The following CFP variants were observed in gnomAD, a reference collection of about 807,000 sequenced individuals.
CFP encodes properdin.
CFP carries 14 observed loss-of-function variants against 42.1 expected under a neutral mutation model. That is an observed-to-expected ratio of 0.33 (90% confidence interval 0.22 to 0.52). The LOEUF is 0.52. Among genes scored for constraint, CFP ranks in the 20% least tolerant of loss-of-function variants. The probability of loss-of-function intolerance (pLI) is 0.96; values close to 1 mark genes in which losing one functional copy is unlikely to be tolerated. For synonymous variants in CFP, 149 were observed against 160.6 expected, an observed-to-expected ratio of 0.93 and a Z score of 0.54; for missense variants, 318 against 400.4, an observed-to-expected ratio of 0.79 and a Z score of 1.76.
At chrX:47,628,697 A>C in intron 2 of CFP, 1 of 285,399 alleles carries the variant, frequency 3.5e-6, no homozygotes, top group Non-Finnish European at 6.7e-6. Context: ...TCTATCCCCA[A>C]CCCACTGCAT....
chrX:47,627,222 G>T lies in CFP; in HGVS notation c.685C>A (p.Pro229Thr). The change falls in exon 5 of 9, where the codon CCC becomes ACC. Residue 229 changes from proline to threonine, a missense_variant. Physicochemically the swap from Pro to Thr is conservative, Grantham distance 38. Coordinates refer to ENST00000396992, the MANE Select transcript of CFP (RefSeq NM_001145252.3). ...TRSRKCSAPE[P>T]SQKPPGKPCP... Reference sequence around the variant, plus strand: ...GGCTTCCCAGGAGGTTTCTGGGAGGGCTCAGGTGCAGAACACTTGCGGCTT... The same window carrying T: ...GGCTTCCCAGGAGGTTTCTGGGAGGTCTCAGGTGCAGAACACTTGCGGCTT... 1 of 1,211,762 alleles carries T rather than the reference G, an allele frequency of 8.3e-7. No individual in the cohort carries two copies. Among genetic ancestry groups the T allele is most frequent in the Non-Finnish European group, 1.1e-6 (1 of 895,299 alleles).
In CFP at chrX:47,629,587, T is replaced by A; in HGVS notation, c.164A>T (p.Asp55Val). The change falls in exon 2 of 9, where the codon GAC becomes GTC. Residue 55 changes from aspartate (D) to valine (V), a missense_variant. Coordinates refer to ENST00000396992, the MANE Select transcript of CFP (RefSeq NM_001145252.3). ...GLLGGGVSVE[D>V]CCLNTAFAYQ... ...GGCAAAGGCAGTGTTGAGACAGCAG[T>A]CTTCCACGCTGACACCACCCCCCAG... The A allele has an allele frequency of 8.6e-7, 1 of 1,168,625 alleles. No individual in the cohort carries two copies. The highest frequency in any genetic ancestry group is 1.9e-5 in the South Asian group (1 of 52,894).
upstream of CFP, chrX:47,630,152 C>T (rs1210030077): frequency 1.2e-5 from 4 of 339,589 alleles, no homozygotes; most frequent in East Asian, 5.4e-5. Flanking sequence ...AGCATAGGAG[C>T]GTGCAGCAAC....
In CFP at chrX:47,624,400, C is replaced by T; in HGVS notation, c.1285G>A (p.Val429Met). 1.7e-6 allele frequency: 2 copies of T among 1,210,851 alleles called. No individual in the cohort carries two copies. The highest frequency in any genetic ancestry group is 1.8e-5 in the South Asian group (1 of 56,916). ...GGCAGCGGTCTCCCCCAGAAGGTCACGTTCTTCTCGCCCTGACCTTCGACC... is the reference window on the plus strand; with the variant it reads ...GGCAGCGGTCTCCCCCAGAAGGTCATGTTCTTCTCGCCCTGACCTTCGACC... ...SMVEGQGEKN[V>M]TFWGRPLPRC... The change falls in exon 9 of 9, where the codon GTG (valine) becomes ATG (methionine). Residue 429 changes from valine to methionine, a missense_variant. Physicochemically the swap from Val to Met is conservative, Grantham distance 21. Coordinates refer to ENST00000396992, the MANE Select transcript of CFP (RefSeq NM_001145252.3).
chrX:47,628,206 C>T lies in CFP; in HGVS notation c.299G>A (p.Arg100Gln), dbSNP rs1011424227. The T allele has an allele frequency of 2.5e-6, 3 of 1,209,480 alleles. No individual in the cohort carries two copies. The highest frequency in any genetic ancestry group is 3.0e-5 in the East Asian group (1 of 33,749). Residue 100 changes from arginine to glutamine, a missense_variant, in exon 3 of 9, where the codon CGG becomes CAG. Coordinates refer to ENST00000396992, the MANE Select transcript of CFP (RefSeq NM_001145252.3). ...ATTCCAGCCCACACAGCGCCGGTACCGCAGCTGGGAGCCCTCAGAGCACGT... is the reference window on the plus strand; with the variant it reads ...ATTCCAGCCCACACAGCGCCGGTACTGCAGCTGGGAGCCCTCAGAGCACGT... ...SVTCSEGSQL[R>Q]YRRCVGWNGQ...
rs754182635 is a variant in CFP at position 47,627,145 on chromosome X, G to A, written c.762C>T (p.Cys254=). The part of the protein sequence containing the change: ...EQRRCTGLPP[C]PVAGGWGPWG... ...AGCAGCCTCATCCTGGTGTACCTGG[G>A]CAGGGTGGCAGGCCGGTGCACCTCC... is the stretch of plus-strand genomic sequence containing the variant. Residue 254 remains cysteine (C), a synonymous_variant, in exon 5 of 9, where the codon TGC becomes TGT. Transcript: ENST00000396992. 1 of 1,211,469 alleles carries A rather than the reference G, an allele frequency of 8.3e-7. No individual in the cohort carries two copies. The highest frequency in any genetic ancestry group is 1.8e-5 in the South Asian group (1 of 56,862).
At chrX:47,624,526 A>G (rs2235182) in intron 8 of CFP, 86 bp from the exon 9 acceptor site, 169,413 of 617,863 alleles carry the variant, frequency 0.27, 16,475 homozygotes, top group African/African-American at 0.33. Context: ...TGCCTGCTAT[A>G]TGCCGAGGGC....
upstream of CFP, chrX:47,629,961 A>C: frequency 1.3e-6 from 1 of 787,199 alleles, no homozygotes; most frequent in Non-Finnish European, 1.9e-6. Context: ...CTGGGAGGGC[A>C]TCCTGCTTTG....
At position 47,627,090 on chromosome X, in the gene CFP, C is replaced by T. The variant is rs1273031584; in HGVS notation, c.766+51G>A. ...CTCTAGAAATGGCAGAGCATCTCTG[C>T]CCTCAATCAAGAGCCCCACCAGCAA... On this transcript the variant is annotated intron_variant, in intron 5 of 8. Transcript: ENST00000396992. The T allele has an allele frequency of 6.7e-6, 8 of 1,191,223 alleles. No homozygotes were observed. In the South Asian group the frequency reaches 1.4e-4, roughly 22 times the overall value.
chrX:47,629,624 A>G lies in CFP; in HGVS notation c.127T>C (p.Cys43Arg), dbSNP rs1268984053. Reference sequence around the variant, plus strand: ...ACACCACCCCCCAGGAGGCCCTTGCACTTGCCGGAGGATTCTTCATACTGG... The same window carrying G: ...ACACCACCCCCCAGGAGGCCCTTGCGCTTGCCGGAGGATTCTTCATACTGG... ...FTQYEESSGK[C>R]KGLLGGGVSV... The change falls in exon 2 of 9, where the codon TGC becomes CGC. Residue 43 changes from cysteine (C) to arginine (R), a missense_variant. Physicochemically the swap from Cys to Arg is radical, Grantham distance 180. Coordinates refer to ENST00000396992, the MANE Select transcript of CFP (RefSeq NM_001145252.3). 8.5e-7 allele frequency: 1 copy of G among 1,169,610 alleles called. No homozygotes were observed.
chrX:47,628,844 C>T (rs1033657008), intron 2 of CFP: 4 of 196,806 alleles, frequency 2.0e-5, no homozygotes, highest in Non-Finnish European at 3.8e-5. Flanking sequence ...AAGTAGAAAA[C>T]AGGTCTGGCA....
At position 47,623,803 on chromosome X, in the gene CFP, C is replaced by G. The variant is rs999347864; in HGVS notation, c.*472G>C. The G allele has an allele frequency of 2.3e-5, 3 of 128,624 alleles. No individual in the cohort carries two copies. The highest frequency in any genetic ancestry group is 6.4e-5 in the African/African-American group (2 of 31,392). 10.6% of individuals were successfully genotyped at this position (128,624 alleles called of 1,213,427 possible). A position where few individuals can be genotyped will look rare whatever the true frequency, so the allele number is the denominator to read the frequency against. ...CGACTGACGCGGAGTCGGAGTCGGCCGGCAGAGGCTCCTCCAGGGTTCCGG... is the reference window on the plus strand; with the variant it reads ...CGACTGACGCGGAGTCGGAGTCGGCGGGCAGAGGCTCCTCCAGGGTTCCGG... On this transcript the variant is annotated 3_prime_UTR_variant, in exon 9 of 9. Transcript: ENST00000396992.
rs936492715 is a variant in CFP, at chrX:47,624,018, G to A, written c.*257C>T. On this transcript the variant is annotated 3_prime_UTR_variant, in exon 9 of 9. Transcript: ENST00000396992. Reference sequence around the variant, plus strand: ...GGGCCCAGACATTGGGGTTATGGCAGCGGCGGGGAGAGGCTGGGACTGCAC... The same window carrying A: ...GGGCCCAGACATTGGGGTTATGGCAACGGCGGGGAGAGGCTGGGACTGCAC... 3 of 387,636 alleles carry A rather than the reference G, an allele frequency of 7.7e-6. No homozygotes were observed. Among genetic ancestry groups the A allele is most frequent in the Non-Finnish European group, 1.4e-5 (3 of 219,927 alleles). The allele number at this position is 387,636 out of a possible 1,213,427, so 31.9% of individuals were successfully genotyped here.
intron 7 of CFP, 23 bp downstream of exon 7, chrX:47,626,282 TGCATGGGCCACCCCACCCTCAGA>T: frequency 8.4e-7 from 1 of 1,190,950 alleles, no homozygotes; most frequent in Non-Finnish European, 1.1e-6. Flanking sequence ...CCCCTTATCC[TGCATGGGCCACCCCACCCTCAGA>T]GCACAGTCTG....
Position 47,627,252 on chromosome X carries a change from T to C in CFP, c.655A>G (p.Thr219Ala). 2 of 1,210,375 alleles carry C rather than the reference T, an allele frequency of 1.7e-6. No individual in the cohort carries two copies. Among genetic ancestry groups the C allele is most frequent in the African/African-American group, 3.5e-5 (2 of 57,762 alleles). ...GGTGCAGAACACTTGCGGCTTCGTG[T>C]CTCCTTAGGTTCGTGGGGTCCACCG... is the stretch of plus-strand genomic sequence containing the variant. ...CHGGPHEPKE[T>A]RSRKCSAPEP... The change falls in exon 5 of 9, where the codon ACA (threonine) becomes GCA (alanine). Residue 219 changes from threonine (T) to alanine (A), a missense_variant. Thr to Ala is a moderately conservative substitution (Grantham distance 58). Coordinates refer to ENST00000396992, the MANE Select transcript of CFP (RefSeq NM_001145252.3).
chrX:47,624,501 T>C, intron 8 of CFP, 61 bp from the exon 9 acceptor site: 4 of 1,030,144 alleles, frequency 3.9e-6, no homozygotes, highest in Admixed American at 2.5e-5. Flanking sequence ...AAGAATGCAT[T>C]CAATTCTTAT....
At position 47,623,789 on chromosome X, in the gene CFP, G is replaced by A. The variant is rs761103038; in HGVS notation, c.*486C>T. Reference sequence around the variant, plus strand: ...CTGCCGTTCATCCTCGACTGACGCGGAGTCGGAGTCGGCCGGCAGAGGCTC... The same window carrying A: ...CTGCCGTTCATCCTCGACTGACGCGAAGTCGGAGTCGGCCGGCAGAGGCTC... On this transcript the variant is annotated 3_prime_UTR_variant, in exon 9 of 9. Transcript: ENST00000396992. The A allele has an allele frequency of 7.8e-5, 10 of 127,963 alleles. No homozygotes were observed. In the South Asian group the frequency reaches 2.0e-3, roughly 26 times the overall value. The allele number at this position is 127,963 out of a possible 1,213,427, so 10.5% of individuals were successfully genotyped here.
rs1367480015 is a variant in CFP, at chrX:47,624,316, G to A, written c.1369C>T (p.His457Tyr). The A allele has an allele frequency of 2.5e-6, 3 of 1,210,819 alleles. No homozygotes were observed. Among genetic ancestry groups the A allele is most frequent in the Non-Finnish European group, 3.4e-6 (3 of 895,219 alleles). ...TCAGGGTCTTTGCAAGCAGGCACGT[G>A]TAGACATGGTCGTTTCTCCTCCACC... Reference protein sequence around the residue: ...LVVEEKRPCLHVPACKDPEEE... With the variant: ...LVVEEKRPCLYVPACKDPEEE... Residue 457 changes from histidine (H) to tyrosine (Y), a missense_variant, in exon 9 of 9, where the codon CAC (histidine) becomes TAC (tyrosine). His to Tyr is a moderately conservative substitution (Grantham distance 83). Transcript: ENST00000396992.
At position 47,628,273 on chromosome X, in the gene CFP, G is replaced by A. The variant is rs888859690; in HGVS notation, c.232C>T (p.Pro78Ser). ...CATGTGGACCACAGGGACCATCGTG[G>A]GGACCTGTGGAGAAGAGCACACACA... ...SGGLCQPCRS[P>S]RWSLWSTWAP... The change falls in exon 3 of 9, where the codon CCA becomes TCA. Residue 78 changes from proline to serine, a missense_variant. Transcript: ENST00000396992. 3 of 1,204,860 alleles carry A rather than the reference G, an allele frequency of 2.5e-6. No homozygotes were observed. The highest frequency in any genetic ancestry group is 3.4e-6 in the Non-Finnish European group (3 of 892,417).
Sources: gnomAD v4.1 joint callset for allele counts on GRCh38, gnomAD v4.1.1 for gene constraint, MANE v1.5 for transcripts, NCBI Gene and HGNC (gene_info 2026-07-23, HGNC 2026-07-21) for gene names.